SMAD6: variants seen among roughly 807,000 people sequenced by gnomAD.
The protein encoded by SMAD6 is SMAD family member 6, also known as MAD homolog 6.
A neutral mutation model predicts 39.4 loss-of-function variants in SMAD6; 103 were observed. That is an observed-to-expected ratio of 2.62 (90% CI 2.23 to 3.08). The LOEUF (loss-of-function observed/expected upper bound fraction) is 3.08, where lower values mean the gene tolerates loss of function less well. Among genes scored for constraint, SMAD6 ranks in the 30% most tolerant of loss-of-function variants. SMAD6 has a pLI of 0.00. For synonymous variants in SMAD6, 445 were observed against 353.3 expected, an observed-to-expected ratio of 1.26 and a Z score of -2.91; for missense variants, 1,104 against 742.9, an observed-to-expected ratio of 1.49 and a Z score of -5.65.
At chr15:66,736,096 C>T (rs945980246) in intron 3 of SMAD6, among the ~76,000 whole-genome samples, 1 of 151,996 alleles carries the variant, frequency 6.6e-6, no homozygotes, top group Non-Finnish European at 1.5e-5. Flanking sequence ...TGGCCGTATG[C>T]CAAGCATCTT....
intron 3 of SMAD6, among the ~76,000 whole-genome samples, chr15:66,761,470 C>T (rs568925264): frequency 6.6e-6 from 1 of 152,346 alleles, no homozygotes; most frequent in African/African-American, 2.4e-5. Flanking sequence ...GTTGTTCCGA[C>T]AGCGATGTGA....
rs1164586969 is a variant in SMAD6, at chr15:66,781,237, A to G, written c.1193A>G (p.Asp398Gly). The G allele has an allele frequency of 1.2e-6, 2 of 1,608,692 alleles. No individual in the cohort carries two copies. Among genetic ancestry groups the G allele is most frequent in the South Asian group, 1.1e-5 (1 of 91,070 alleles). Residue 398 changes from aspartate to glycine, a missense_variant, in exon 4 of 4, where the codon GAC (aspartate) becomes GGC (glycine). Coordinates refer to ENST00000288840, the MANE Select transcript of SMAD6 (RefSeq NM_005585.5). ...GGCATCCTGCTCAGCAAGGAGCCCGACGGCGTGTGGGCCTACAACCGCGGC... is the reference window on the plus strand; with the variant it reads ...GGCATCCTGCTCAGCAAGGAGCCCGGCGGCGTGTGGGCCTACAACCGCGGC... ...GFGILLSKEP[D>G]GVWAYNRGEH...
intron 3 of SMAD6, among the ~76,000 whole-genome samples, chr15:66,735,482 A>C (rs1347020122): frequency 6.6e-6 from 1 of 152,236 alleles, no homozygotes; most frequent in Non-Finnish European, 1.5e-5. Flanking sequence ...AGATGAAGCA[A>C]GTGTGGCAAA....
chr15:66,724,984 T>C (rs920919414), intron 3 of SMAD6, among the ~76,000 whole-genome samples: 2 of 152,294 alleles, frequency 1.3e-5, no homozygotes, highest in East Asian at 1.9e-4. Context: ...TCCAGCCTAA[T>C]CACAACCATC....
In SMAD6 at chr15:66,721,408, C is replaced by A. The variant is rs565445186; in HGVS notation, c.952+4910C>A. 5.5e-4 allele frequency among the ~76,000 whole-genome samples: 84 copies of A among 152,162 alleles called. 2 individuals carry two copies. The East Asian group carries it at 0.015, about 28-fold the overall frequency. On this transcript the variant is annotated intron_variant, in intron 3 of 3. Coordinates refer to ENST00000288840, the MANE Select transcript of SMAD6 (RefSeq NM_005585.5). ...CAAGTGTGTTCTCGTCCAACAACAC[C>A]CTCATCTAACAGACTCTGAGAGTTC...
chr15:66,760,458 T>G (rs1894178746), intron 3 of SMAD6, among the ~76,000 whole-genome samples: 1 of 152,224 alleles, frequency 6.6e-6, no homozygotes, highest in Non-Finnish European at 1.5e-5. Context: ...AGGGTTGTTG[T>G]GAGAACTAGG....
chr15:66,770,060 T>C (rs1022544066), intron 3 of SMAD6, among the ~76,000 whole-genome samples: 2 of 152,222 alleles, frequency 1.3e-5, no homozygotes, highest in African/African-American at 4.8e-5. Context: ...ACTCCTGACC[T>C]CAGGCAATCC....
chr15:66,736,795 G>C (rs1893719754), intron 3 of SMAD6, among the ~76,000 whole-genome samples: 2 of 152,060 alleles, frequency 1.3e-5, no homozygotes, highest in Admixed American at 1.3e-4. Flanking sequence ...TCAGCCTCCT[G>C]AGTAGTTGGG....
At position 66,703,973 on chromosome 15, in the gene SMAD6, G is replaced by C. The variant is rs768794005; in HGVS notation, c.715G>C (p.Val239Leu). Residue 239 changes from valine (V) to leucine (L), a missense_variant, in exon 1 of 4, where the codon GTG (valine) becomes CTG (leucine). Transcript: ENST00000288840. ...LFRWPDLQHA[V>L]ELKPLCGCHS... ...TCGCTGGCCCGACCTGCAGCACGCC[G>C]TGGAGCTGAAGCCCCTGTGCGGCTG... The C allele has an allele frequency of 2.1e-6, 3 of 1,458,870 alleles. No homozygotes were observed. Among genetic ancestry groups the C allele is most frequent in the South Asian group, 2.6e-5 (2 of 76,264 alleles). 90.4% of individuals were successfully genotyped at this position (1,458,870 alleles called of 1,614,324 possible).
At chr15:66,744,982 G>C (rs1893882603) in intron 3 of SMAD6, among the ~76,000 whole-genome samples, 1 of 152,122 alleles carries the variant, frequency 6.6e-6, no homozygotes, top group South Asian at 2.1e-4. Flanking sequence ...GATGGGGACT[G>C]GGAGAGGGTC....
chr15:66,703,989 T>G lies in SMAD6; in HGVS notation c.731T>G (p.Leu244Arg). 6.7e-7 allele frequency: 1 copy of G among 1,483,282 alleles called. No homozygotes were observed. Among genetic ancestry groups the G allele is most frequent in the Non-Finnish European group, 8.9e-7 (1 of 1,124,186 alleles). The allele number at this position is 1,483,282 out of a possible 1,614,324, so 91.9% of individuals were successfully genotyped here. The stretch of plus-strand genomic sequence containing the variant: ...CAGCACGCCGTGGAGCTGAAGCCCC[T>G]GTGCGGCTGCCACAGCTTCGCCGCC... Reference protein sequence around the residue: ...DLQHAVELKPLCGCHSFAAAA... With the variant: ...DLQHAVELKPRCGCHSFAAAA... The change falls in exon 1 of 4, where the codon CTG (leucine) becomes CGG (arginine). Residue 244 changes from leucine (L) to arginine (R), a missense_variant. Coordinates refer to ENST00000288840, the MANE Select transcript of SMAD6 (RefSeq NM_005585.5).
chr15:66,741,481 C>G (rs888008115), intron 3 of SMAD6, among the ~76,000 whole-genome samples: 15 of 152,192 alleles, frequency 9.9e-5, no homozygotes, highest in Admixed American at 7.9e-4. Context: ...GTTTCTCCAT[C>G]TGTAAAATGA....
At position 66,781,058 on chromosome 15, in the gene SMAD6, G is replaced by T; in HGVS notation, c.1014G>T (p.Glu338Asp). ...PSHWCSVAYW[E>D]HRTRVGRLYA... ...ACTGGTGCAGCGTGGCGTACTGGGA[G>T]CACCGGACGCGCGTGGGCCGCCTCT... The change falls in exon 4 of 4, where the codon GAG becomes GAT. Residue 338 changes from glutamate to aspartate, a missense_variant. Glu to Asp is a conservative substitution (Grantham distance 45, BLOSUM62 2). Coordinates refer to ENST00000288840, the MANE Select transcript of SMAD6 (RefSeq NM_005585.5). The T allele has an allele frequency of 2.5e-6, 4 of 1,602,998 alleles. No homozygotes were observed. Among genetic ancestry groups the T allele is most frequent in the Non-Finnish European group, 2.5e-6 (3 of 1,178,310 alleles).
At chr15:66,767,023 A>G (rs1894300165) in intron 3 of SMAD6, among the ~76,000 whole-genome samples, 1 of 152,194 alleles carries the variant, frequency 6.6e-6, no homozygotes, top group Non-Finnish European at 1.5e-5. Context: ...GACACAGGCT[A>G]AAGAATTACT....
chr15:66,703,548 G>A lies in SMAD6; in HGVS notation c.290G>A (p.Gly97Glu), dbSNP rs566777509. ...GGPPRPMSEP[G>E]AGAGSSLLDV... is the part of the protein sequence containing the mutation. ...CCCCCGAGGCCCATGTCGGAGCCAG[G>A]GGCCGGCGCTGGGAGCTCCCTGCTG... Residue 97 changes from glycine (G) to glutamate (E), a missense_variant, in exon 1 of 4, where the codon GGG becomes GAG. Transcript: ENST00000288840. 1.5e-4 allele frequency: 187 copies of A among 1,221,858 alleles called. No individual in the cohort carries two copies. The African/African-American group carries it at 2.7e-3, about 18-fold the overall frequency. 75.7% of individuals were successfully genotyped at this position (1,221,858 alleles called of 1,614,324 possible).
In SMAD6 at chr15:66,703,856, G is replaced by T. The variant is rs1039327779; in HGVS notation, c.598G>T (p.Gly200Cys). ...GCTGGAGGCGGTGGAGTCCCGCGGCGGCGTGCCGGGCGGCTGCGTGCTGGT... is the reference window on the plus strand; with the variant it reads ...GCTGGAGGCGGTGGAGTCCCGCGGCTGCGTGCCGGGCGGCTGCGTGCTGGT... ...TLLEAVESRGGVPGGCVLVPR... is the reference protein window; with the variant it reads ...TLLEAVESRGCVPGGCVLVPR... Residue 200 changes from glycine (G) to cysteine (C), a missense_variant, in exon 1 of 4, where the codon GGC becomes TGC. Transcript: ENST00000288840. 7.4e-7 allele frequency: 1 copy of T among 1,346,670 alleles called. No homozygotes were observed. The highest frequency in any genetic ancestry group is 1.8e-5 in the South Asian group (1 of 55,968). 83.4% of individuals were successfully genotyped at this position (1,346,670 alleles called of 1,614,324 possible).
At chr15:66,778,205 C>T (rs1297255982) in intron 3 of SMAD6, among the ~76,000 whole-genome samples, 1 of 152,042 alleles carries the variant, frequency 6.6e-6, no homozygotes, top group Admixed American at 6.5e-5. Context: ...CTCAGCTTCC[C>T]AAGTAGCTGG....
At chr15:66,716,564 G>T (rs1348016719) in intron 3 of SMAD6, 66 bp downstream of exon 3, 2 of 1,200,912 alleles carry the variant, frequency 1.7e-6, no homozygotes, top group Non-Finnish European at 2.5e-6. Flanking sequence ...CTGCGGAGGG[G>T]GCTTGGTGGA....
chr15:66,749,030 A>G (rs2140645125), intron 3 of SMAD6, among the ~76,000 whole-genome samples: 1 of 152,292 alleles, frequency 6.6e-6, no homozygotes, highest in South Asian at 2.1e-4. Flanking sequence ...TTGGTTCAAA[A>G]TTACCAGAGT....
Sources: gnomAD v4.1 joint callset for allele counts (sites outside exome capture counted in the v4.1 genomes callset) on GRCh38, gnomAD v4.1.1 for gene constraint, MANE v1.5 for transcripts, NCBI Gene and HGNC (gene_info 2026-07-23, HGNC 2026-07-21) for gene names.